The following ANKRD62 variants were observed in gnomAD, a reference collection of about 807,000 sequenced individuals.
The protein encoded by ANKRD62 is ankyrin repeat domain-containing protein 62.
A neutral mutation model predicts 98.8 loss-of-function variants in ANKRD62; 61 were observed. That is an observed-to-expected ratio of 0.62 (90% CI 0.50 to 0.76). The LOEUF is 0.76. Among genes scored for constraint, ANKRD62 ranks in the 30% least tolerant of loss-of-function variants. ANKRD62 has a pLI of 0.00. For missense variants in ANKRD62, 933 were observed against 1,082.9 expected, an observed-to-expected ratio of 0.86 and a Z score of 1.94; for synonymous variants, 341 against 367.9, an observed-to-expected ratio of 0.93 and a Z score of 0.84.
the ANKRD62 span, among the ~76,000 whole-genome samples, chr18:12,135,497 A>G: frequency 6.6e-6 from 1 of 151,434 alleles, no homozygotes. Flanking sequence ...GTGCCGCAAT[A>G]AACATACGTG....
chr18:12,102,394 G>T, intron 6 of ANKRD62: 1 of 564,328 alleles, frequency 1.8e-6, no homozygotes, highest in South Asian at 1.7e-5. Flanking sequence ...GAGCAGGTGT[G>T]ACCACTGGGG....
intron 8 of ANKRD62, among the ~76,000 whole-genome samples, chr18:12,113,136 C>G (rs1391401031): frequency 6.6e-6 from 1 of 151,932 alleles, no homozygotes; most frequent in Non-Finnish European, 1.5e-5. Flanking sequence ...CTCAGGTAAT[C>G]TGCCCACCTT....
At chr18:12,156,701 G>C in the ANKRD62 span, among the ~76,000 whole-genome samples, 1 of 151,938 alleles carries the variant, frequency 6.6e-6, no homozygotes, top group African/African-American at 2.4e-5. Context: ...CCATTTTAGG[G>C]CATTTTTAGC....
At chr18:12,118,306 T>C (rs1006471571) in intron 10 of ANKRD62, among the ~76,000 whole-genome samples, 1 of 152,176 alleles carries the variant, frequency 6.6e-6, no homozygotes, top group African/African-American at 2.4e-5. Flanking sequence ...GTTGGAATCA[T>C]ACAGAAAGTA....
At chr18:12,107,571 GA>G (rs1440130656) in intron 8 of ANKRD62, 104 bp downstream of exon 8, 1 of 942,096 alleles carries the variant, frequency 1.1e-6, no homozygotes, top group East Asian at 3.2e-5. Flanking sequence ...ATACTTTTAT[GA>G]GGAATATTCT....
At chr18:12,156,539 A>G in the ANKRD62 span, among the ~76,000 whole-genome samples, 2 of 152,308 alleles carry the variant, frequency 1.3e-5, no homozygotes, top group Admixed American at 6.5e-5. Flanking sequence ...AAAAAGGAAT[A>G]TACTAGAATA....
At chr18:12,165,518 C>CA in the ANKRD62 span, among the ~76,000 whole-genome samples, 202 of 151,610 alleles carry the variant, frequency 1.3e-3, no homozygotes, top group African/African-American at 4.3e-3. Flanking sequence ...AACAAACACA[C>CA]AAAAAAACTA....
the ANKRD62 span, among the ~76,000 whole-genome samples, chr18:12,162,415 G>A: frequency 6.6e-6 from 1 of 151,998 alleles, no homozygotes; most frequent in African/African-American, 2.4e-5. Context: ...ATATACTCTG[G>A]TTATTAATGT....
intron 10 of ANKRD62, among the ~76,000 whole-genome samples, chr18:12,119,966 T>G (rs1210288334): frequency 6.6e-6 from 1 of 152,194 alleles, no homozygotes; most frequent in Non-Finnish European, 1.5e-5. Flanking sequence ...TTTAGATGTG[T>G]GTTTCTTAGT....
At position 12,105,210 on chromosome 18, in the gene ANKRD62, T is replaced by A. The variant is rs893105591; in HGVS notation, c.891+1982T>A. The stretch of plus-strand genomic sequence containing the variant: ...TGTTTCTGTTGTTACAGACACTTAA[T>A]AAGAATACAAAACCAATTCAAAACT... On this transcript the variant is annotated intron_variant, in intron 7 of 13. Transcript: ENST00000587848. 2.0e-5 allele frequency among the ~76,000 whole-genome samples: 3 copies of A among 152,238 alleles called. No homozygotes were observed. The East Asian group carries it at 5.8e-4, about 29-fold the overall frequency.
At chr18:12,133,997 T>C (rs1302177633), downstream of ANKRD62, among the ~76,000 whole-genome samples, 2 of 152,154 alleles carry the variant, frequency 1.3e-5, no homozygotes, top group Non-Finnish European at 2.9e-5. Flanking sequence ...ACACCCACTA[T>C]TTTTCTATAA....
chr18:12,121,623 A>C (rs1909783982), intron 10 of ANKRD62, among the ~76,000 whole-genome samples: 1 of 151,926 alleles, frequency 6.6e-6, no homozygotes, highest in Non-Finnish European at 1.5e-5. Context: ...TCTTAGCGTC[A>C]CCACCCCAGC....
chr18:12,136,140 T>A, the ANKRD62 span, among the ~76,000 whole-genome samples: 3,300 of 152,014 alleles, frequency 0.022, 110 homozygotes, highest in African/African-American at 0.076. Flanking sequence ...CTGAATGGTA[T>A]TGCCTAGGTT....
At chr18:12,146,107 G>GGTAGC in the ANKRD62 span, among the ~76,000 whole-genome samples, 1 of 151,786 alleles carries the variant, frequency 6.6e-6, no homozygotes, top group African/African-American at 2.4e-5. Context: ...CGGTAGAAGT[G>GGTAGC]GTAGCACAGC....
Position 12,124,298 on chromosome 18 carries a change from CTG to C in ANKRD62, c.1618_1619del (p.Val540LysfsTer3). On this transcript the variant is annotated frameshift_variant, in exon 12 of 14. Transcript: ENST00000587848. LOFTEE classifies it high-confidence loss of function. ...AAATCATTGGAAGTGGAATTGAAGA[CTG>C]TAAGAAGTAACTCAAATCAGGTAAA... The C allele has an allele frequency of 8.0e-7, 1 of 1,251,112 alleles. No individual in the cohort carries two copies. The highest frequency in any genetic ancestry group is 1.5e-5 in the South Asian group (1 of 64,824). 77.5% of individuals were successfully genotyped at this position (1,251,112 alleles called of 1,614,324 possible).
At chr18:12,169,966 A>G in the ANKRD62 span, among the ~76,000 whole-genome samples, 3 of 152,254 alleles carry the variant, frequency 2.0e-5, no homozygotes, top group East Asian at 3.9e-4. Flanking sequence ...CTGTGGGATC[A>G]GTGGTGATAT....
chr18:12,125,773 C>T lies in ANKRD62; in HGVS notation c.1952C>T (p.Thr651Ile). 1 of 1,548,634 alleles carries T rather than the reference C, an allele frequency of 6.5e-7. No homozygotes were observed. ...AAACAAAGCATGTCAAGACTGGAAA[C>T]AGAAATGGAATCATACCGTTGTAGA... ...KEKQSMSRLE[T>I]EMESYRCRLA... The change falls in exon 13 of 14, where the codon ACA becomes ATA. Residue 651 changes from threonine (T) to isoleucine (I), a missense_variant. Transcript: ENST00000587848.
chr18:12,125,688 A>G lies in ANKRD62; in HGVS notation c.1867A>G (p.Lys623Glu), dbSNP rs1291529477. The part of the protein sequence containing the change: ...ALTKTITRYS[K>E]ELNVLMDENT... ...AACAAAAACAATAACCCGGTATAGT[A>G]AAGAGCTTAATGTTCTGATGGATGA... The change falls in exon 13 of 14, where the codon AAA (lysine) becomes GAA (glutamate). Residue 623 changes from lysine (K) to glutamate (E), a missense_variant. By Grantham distance (56) the Lys-to-Glu change is moderately conservative. This residue lies in a region of ANKRD62 where 362 missense variants were observed against 434.5 expected (regional missense o/e 0.83). Coordinates refer to ENST00000587848, the MANE Select transcript of ANKRD62 (RefSeq NM_001277333.2). 1.9e-6 allele frequency: 3 copies of G among 1,538,706 alleles called. No individual in the cohort carries two copies. The highest frequency in any genetic ancestry group is 2.6e-6 in the Non-Finnish European group (3 of 1,146,788).
In ANKRD62 at chr18:12,093,928, G is replaced by T. The variant is rs1909104520; in HGVS notation, c.-90G>T. ...TTGCGGCTGGACCTGGTTACGTGCT[G>T]GTGCTGCGCTCCAGAGAGGCAGAAA... On this transcript the variant is annotated 5_prime_UTR_variant, in exon 1 of 14. Coordinates refer to ENST00000587848, the MANE Select transcript of ANKRD62 (RefSeq NM_001277333.2). The T allele has an allele frequency of 7.7e-7, 1 of 1,294,882 alleles. No individual in the cohort carries two copies. The highest frequency in any genetic ancestry group is 1.5e-5 in the African/African-American group (1 of 68,222). 80.2% of individuals were successfully genotyped at this position (1,294,882 alleles called of 1,614,324 possible). A position where few individuals can be genotyped will look rare whatever the true frequency, so the allele number is the denominator to read the frequency against.
Sources: allele counts gnomAD v4.1 joint callset (sites outside exome capture counted in the v4.1 genomes callset), GRCh38; gene constraint gnomAD v4.1.1; regional missense constraint gnomAD v4.1.1; transcripts MANE v1.5; gene names NCBI Gene and HGNC (gene_info 2026-07-23, HGNC 2026-07-21).